The following CRISP2 variants were observed in gnomAD, a reference collection of about 807,000 sequenced individuals.
CRISP2 encodes the protein cysteine-rich secretory protein 2.
A neutral mutation model predicts 31.7 loss-of-function variants in CRISP2; 29 were observed. The ratio of observed to expected loss-of-function variants is 0.92; its 90% CI spans 0.68 to 1.25. The LOEUF is 1.25. Ranked by LOEUF, CRISP2 falls within the 50% of genes most tolerant of loss-of-function variation. The probability of loss-of-function intolerance (pLI) is 0.00; values close to 1 mark genes in which losing one functional copy is unlikely to be tolerated. For missense variants in CRISP2, 318 were observed against 286.5 expected, an observed-to-expected ratio of 1.11 and a Z score of -0.79; for synonymous variants, 111 against 101.4, an observed-to-expected ratio of 1.09 and a Z score of -0.57.
At chr6:49,700,585 A>C in intron 5 of CRISP2, 83 bp downstream of exon 5, 1 of 780,194 alleles carries the variant, frequency 1.3e-6, no homozygotes, top group Non-Finnish European at 2.2e-6. Context: ...TAAACCACAA[A>C]GTTCTTAAGA....
chr6:49,682,563 CTT>C, the CRISP2 span, among the ~76,000 whole-genome samples: 1 of 100,510 alleles, frequency 9.9e-6, no homozygotes, highest in Non-Finnish European at 2.0e-5. Flanking sequence ...CCATCTTTCT[CTT>C]TCTTTCTTTT....
chr6:49,693,149 T>G (rs913578146), intron 9 of CRISP2, among the ~76,000 whole-genome samples: 8 of 152,134 alleles, frequency 5.3e-5, no homozygotes, highest in African/African-American at 1.7e-4. Flanking sequence ...GATAAATCCA[T>G]CACTCTTTAA....
At chr6:49,693,050 A>T (rs1345460407) in intron 9 of CRISP2, 150 bp from the exon 10 acceptor site, 1 of 716,224 alleles carries the variant, frequency 1.4e-6, no homozygotes, top group Non-Finnish European at 2.3e-6. Context: ...TTATGGCTGC[A>T]TAGTATTCCA....
At chr6:49,683,509 C>T in the CRISP2 span, among the ~76,000 whole-genome samples, 2 of 148,990 alleles carry the variant, frequency 1.3e-5, no homozygotes, top group Non-Finnish European at 3.0e-5. Flanking sequence ...ACTAAAAATA[C>T]AAAAATTAGC....
At chr6:49,705,034 T>A (rs937325450) in intron 4 of CRISP2, among the ~76,000 whole-genome samples, 1 of 152,104 alleles carries the variant, frequency 6.6e-6, no homozygotes, top group Non-Finnish European at 1.5e-5. Context: ...GGATAAGTAT[T>A]CAGGTTTTTC....
In CRISP2 at chr6:49,692,739, T is replaced by C; in HGVS notation, c.*34A>G. ...TCGCAATTAAATGATGCAGCCCTTA[T>C]CCATGCAGTCTTGCACAATGCTCAC... On this transcript the variant is annotated 3_prime_UTR_variant, in exon 10 of 10. Coordinates refer to ENST00000339139, the MANE Select transcript of CRISP2 (RefSeq NM_003296.4). 4 of 1,582,428 alleles carry C rather than the reference T, an allele frequency of 2.5e-6. No individual in the cohort carries two copies. Among genetic ancestry groups the C allele is most frequent in the Non-Finnish European group, 3.5e-6 (4 of 1,157,426 alleles).
At chr6:49,712,774 G>A (rs886967713) in intron 1 of CRISP2, among the ~76,000 whole-genome samples, 170 bp from the exon 2 acceptor site, 1 of 152,046 alleles carries the variant, frequency 6.6e-6, no homozygotes, top group Non-Finnish European at 1.5e-5. Flanking sequence ...GTCCTTCTGA[G>A]GTCAGATTGT....
At chr6:49,683,266 CAT>C in the CRISP2 span, among the ~76,000 whole-genome samples, 1 of 151,980 alleles carries the variant, frequency 6.6e-6, no homozygotes, top group Non-Finnish European at 1.5e-5. Context: ...AATTTCTAAA[CAT>C]GTGTATACCT....
At chr6:49,702,164 T>TGTGTAC (rs1766165726) in intron 4 of CRISP2, among the ~76,000 whole-genome samples, 2 of 120,862 alleles carry the variant, frequency 1.7e-5, no homozygotes, top group African/African-American at 5.9e-5. Flanking sequence ...TATATATATA[T>TGTGTAC]ATATATATAT....
chr6:49,687,239 C>G, the CRISP2 span, among the ~76,000 whole-genome samples: 1 of 152,072 alleles, frequency 6.6e-6, no homozygotes, highest in Non-Finnish European at 1.5e-5. Flanking sequence ...AAGCCTAAAA[C>G]TTTAATTTTA....
At chr6:49,698,000 G>A in intron 7 of CRISP2, 43 bp from the exon 8 acceptor site, 6 of 1,413,302 alleles carry the variant, frequency 4.2e-6, no homozygotes, top group Non-Finnish European at 5.8e-6. Flanking sequence ...GTACATTAGA[G>A]AAGATGAAAA....
chr6:49,699,926 AT>A (rs1399811497), intron 5 of CRISP2, 35 bp from the exon 6 acceptor site: 33 of 1,556,484 alleles, frequency 2.1e-5, no homozygotes, highest in Non-Finnish European at 2.9e-5. Context: ...ACACTTAATG[AT>A]TCAGCCACAA....
intron 4 of CRISP2, among the ~76,000 whole-genome samples, chr6:49,708,000 AG>A (rs952225979): frequency 2.0e-5 from 3 of 152,170 alleles, no homozygotes; most frequent in African/African-American, 7.2e-5. Flanking sequence ...TTTTAGAGTT[AG>A]GGTTTTTGTT....
chr6:49,688,286 C>T (rs924001258), downstream of CRISP2, among the ~76,000 whole-genome samples: 3 of 152,146 alleles, frequency 2.0e-5, no homozygotes, highest in African/African-American at 7.2e-5. Context: ...TTTAGAAAAG[C>T]GTGTTTGTTT....
downstream of CRISP2, among the ~76,000 whole-genome samples, chr6:49,687,529 C>T (rs1319382887): frequency 1.3e-5 from 2 of 152,122 alleles, no homozygotes; most frequent in Admixed American, 1.3e-4. Context: ...TCTTGAAATT[C>T]AGTGTTCTCG....
intron 3 of CRISP2, 83 bp from the exon 4 acceptor site, chr6:49,709,288 C>A: frequency 8.7e-7 from 1 of 1,148,118 alleles, no homozygotes; most frequent in South Asian, 1.3e-5. Context: ...ATAATGATCT[C>A]GATTATCTCA....
At chr6:49,691,568 GCTCATGATAGCGATAGATCT>G (rs1764055827), downstream of CRISP2, among the ~76,000 whole-genome samples, 1 of 151,822 alleles carries the variant, frequency 6.6e-6, no homozygotes, top group South Asian at 2.1e-4. Flanking sequence ...TTTCATCTAT[GCTCATGATAGCGATAGATCT>G]CTCTCTATAT....
intron 6 of CRISP2, 83 bp from the exon 7 acceptor site, chr6:49,698,590 T>C: frequency 2.2e-5 from 31 of 1,434,058 alleles, no homozygotes; most frequent in Non-Finnish European, 2.8e-5. Context: ...AGATGTTGCC[T>C]TTCAAACCCA....
the CRISP2 span, among the ~76,000 whole-genome samples, chr6:49,684,621 C>T: frequency 2.6e-5 from 4 of 152,132 alleles, no homozygotes; most frequent in Admixed American, 2.0e-4. Context: ...TCTTGAATAT[C>T]TTACATACTT....
Sources: gnomAD v4.1 joint callset for allele counts (sites outside exome capture counted in the v4.1 genomes callset) on GRCh38, gnomAD v4.1.1 for gene constraint, MANE v1.5 for transcripts, NCBI Gene and HGNC (gene_info 2026-07-23, HGNC 2026-07-21) for gene names.